Variants in IGFL2 observed in about 807,000 individuals in gnomAD.
The protein encoded by IGFL2 is IGF like family member 2.
Under a neutral mutation model 13.9 loss-of-function variants are expected in IGFL2, and 7 were observed. That is an observed-to-expected ratio of 0.51 (90% CI 0.29 to 0.95). IGFL2 has a LOEUF of 0.95. IGFL2 is among the 40% of genes least tolerant of loss of function. The probability of loss-of-function intolerance (pLI) is 0.08; values close to 1 mark genes in which losing one functional copy is unlikely to be tolerated. For synonymous variants in IGFL2, 55 were observed against 55.8 expected (o/e 0.99, Z 0.07); for missense variants, 138 against 147.8 (o/e 0.93, Z 0.34).
upstream of IGFL2, among the ~76,000 whole-genome samples, chr19:46,144,549 C>G (rs1358197767): frequency 6.6e-6 from 1 of 151,946 alleles, no homozygotes; most frequent in Non-Finnish European, 1.5e-5. Flanking sequence ...AAATTAAACC[C>G]CTTATTTTGC....
chr19:46,166,846 C>T, the IGFL2 span, among the ~76,000 whole-genome samples: 2 of 152,210 alleles, frequency 1.3e-5, no homozygotes, highest in Non-Finnish European at 2.9e-5. Context: ...TTAAGGTTAT[C>T]TCTCTTATTC....
chr19:46,115,598 CCTCAGGGTGAATCTG>C, the IGFL2 span, among the ~76,000 whole-genome samples: 22 of 152,180 alleles, frequency 1.4e-4, no homozygotes, highest in African/African-American at 5.3e-4. Context: ...TTCAGATTCA[CCTCAGGGTGAATCTG>C]GTGACTCAGC....
the IGFL2 span, among the ~76,000 whole-genome samples, chr19:46,107,727 G>A: frequency 1.0e-3 from 154 of 152,236 alleles, no homozygotes; most frequent in African/African-American, 3.4e-3. Context: ...TTTGAGGGCC[G>A]GAATCTAATT....
At chr19:46,137,166 A>G in the IGFL2 span, 1 of 1,608,594 alleles carries the variant, frequency 6.2e-7, no homozygotes, top group Admixed American at 1.7e-5. Flanking sequence ...GCTGGCATGA[A>G]GTTTTTGATG....
the IGFL2 span, among the ~76,000 whole-genome samples, chr19:46,191,046 TG>T: frequency 1.3e-5 from 2 of 151,922 alleles, no homozygotes; most frequent in Non-Finnish European, 2.9e-5. Flanking sequence ...GACCTCAAAG[TG>T]GGGGAGAAGC....
upstream of IGFL2, among the ~76,000 whole-genome samples, chr19:46,139,342 A>AT (rs201568410): frequency 0.16 from 8,564 of 54,006 alleles, 307 homozygotes; most frequent in Non-Finnish European, 0.26. Context: ...AATCAAAACC[A>AT]ATTTTTTTTT....
the IGFL2 span, among the ~76,000 whole-genome samples, chr19:46,192,185 G>A: frequency 2.6e-5 from 4 of 152,290 alleles, no homozygotes; most frequent in Middle Eastern, 3.4e-3. Context: ...TGTGGCTAGC[G>A]CTCCCAGGTC....
chr19:46,078,513 C>A, the IGFL2 span, among the ~76,000 whole-genome samples: 2 of 152,216 alleles, frequency 1.3e-5, no homozygotes, highest in African/African-American at 4.8e-5. Context: ...TATTTTGATA[C>A]AATGGAGCTG....
chr19:46,172,168 C>CT, the IGFL2 span, among the ~76,000 whole-genome samples: 1 of 152,106 alleles, frequency 6.6e-6, no homozygotes, highest in Non-Finnish European at 1.5e-5. Context: ...GTTATATAGT[C>CT]TAAGGTAGAA....
At chr19:46,182,954 T>A in the IGFL2 span, among the ~76,000 whole-genome samples, 2 of 152,142 alleles carry the variant, frequency 1.3e-5, no homozygotes, top group Non-Finnish European at 2.9e-5. Flanking sequence ...CTCTTCTCAA[T>A]GCTTCCCACT....
At chr19:46,097,828 T>A in the IGFL2 span, among the ~76,000 whole-genome samples, 6 of 152,244 alleles carry the variant, frequency 3.9e-5, no homozygotes, top group African/African-American at 1.4e-4. Context: ...TGAGTGAGTT[T>A]TTAAACCTTG....
the IGFL2 span, among the ~76,000 whole-genome samples, chr19:46,179,086 A>C: frequency 6.6e-6 from 1 of 151,732 alleles, no homozygotes; most frequent in Non-Finnish European, 1.5e-5. Context: ...GCAGGGCTGC[A>C]GGGGTCCGGG....
chr19:46,101,016 C>T, the IGFL2 span: 2 of 152,320 alleles, frequency 1.3e-5, no homozygotes, highest in Non-Finnish European at 2.9e-5. Context: ...ACTTCAGGCC[C>T]TATTCACCTG....
chr19:46,186,321 T>C, the IGFL2 span, among the ~76,000 whole-genome samples: 1 of 152,180 alleles, frequency 6.6e-6, no homozygotes, highest in South Asian at 2.1e-4. Context: ...GGGCGCCACC[T>C]GGCAGTCACT....
chr19:46,092,607 T>C, the IGFL2 span, among the ~76,000 whole-genome samples: 1 of 151,966 alleles, frequency 6.6e-6, no homozygotes, highest in Non-Finnish European at 1.5e-5. Context: ...ACTCTAGTAC[T>C]CCAGCCTGGG....
chr19:46,142,719 A>G (rs1972913391), upstream of IGFL2, among the ~76,000 whole-genome samples: 2 of 152,180 alleles, frequency 1.3e-5, no homozygotes, highest in South Asian at 4.1e-4. Context: ...AAGATGAGAG[A>G]TACTGCTCTG....
the IGFL2 span, among the ~76,000 whole-genome samples, chr19:46,084,034 A>G: frequency 6.6e-6 from 1 of 152,088 alleles, no homozygotes; most frequent in Non-Finnish European, 1.5e-5. Flanking sequence ...TTTCCCTTTT[A>G]ATTTCTTCAC....
the IGFL2 span, among the ~76,000 whole-genome samples, chr19:46,100,168 A>G: frequency 3.3e-5 from 5 of 151,990 alleles, no homozygotes; most frequent in African/African-American, 1.2e-4. Context: ...GCTGGAGAGG[A>G]GTTGTGATCA....
chr19:46,160,277 A>C, intron 1 of IGFL2, 138 bp from the exon 2 acceptor site: 1 of 717,294 alleles, frequency 1.4e-6, no homozygotes, highest in Non-Finnish European at 2.5e-6. Flanking sequence ...GTTAGATCCT[A>C]TGCAAAGATA....
Sources: gnomAD v4.1 joint callset for allele counts (sites outside exome capture counted in the v4.1 genomes callset) on GRCh38, gnomAD v4.1.1 for gene constraint, MANE v1.5 for transcripts, NCBI Gene and HGNC (gene_info 2026-07-23, HGNC 2026-07-21) for gene names.